The following PPP2R3A variants were observed in gnomAD, a reference collection of about 807,000 sequenced individuals.
PPP2R3A encodes the protein serine/threonine-protein phosphatase 2A regulatory subunit B'' subunit alpha.
PPP2R3A carries 80 observed loss-of-function variants against 106.9 expected under a neutral mutation model. The ratio of observed to expected loss-of-function variants is 0.75; its 90% CI spans 0.62 to 0.90. PPP2R3A has a LOEUF of 0.90. PPP2R3A is among the 40% of genes least tolerant of loss of function. The pLI, the probability that PPP2R3A is intolerant of heterozygous loss-of-function variation, is 0.00. For synonymous variants in PPP2R3A, 483 were observed against 468.3 expected, an observed-to-expected ratio of 1.03 and a Z score of -0.41; for missense variants, 1,386 against 1,350.4, an observed-to-expected ratio of 1.03 and a Z score of -0.41.
In PPP2R3A at chr3:136,058,458, G is replaced by A. The variant is rs369316269; in HGVS notation, c.2469+9097G>A. ...AAATATCTAGGAATAGCTAACTAGG[G>A]AGGTGAAAGATCTCTACAAGGAGAA... On this transcript the variant is annotated intron_variant, in intron 5 of 13. Coordinates refer to ENST00000264977, the MANE Select transcript of PPP2R3A (RefSeq NM_002718.5). Among the ~76,000 whole-genome samples the A allele has an allele frequency of 3.3e-5, 5 of 152,266 alleles. No individual in the cohort carries two copies. In the East Asian group the frequency reaches 9.6e-4, roughly 29 times the overall value.
chr3:136,085,768 G>A (rs535447260), intron 8 of PPP2R3A, among the ~76,000 whole-genome samples: 1 of 152,046 alleles, frequency 6.6e-6, no homozygotes, highest in South Asian at 2.1e-4. Context: ...TGGTATGGCT[G>A]TTACTAATGG....
chr3:136,132,207 A>G (rs1938455871), intron 13 of PPP2R3A, among the ~76,000 whole-genome samples: 1 of 152,182 alleles, frequency 6.6e-6, no homozygotes, highest in South Asian at 2.1e-4. Context: ...AGAACCAGGC[A>G]AGGATGTTTC....
intron 3 of PPP2R3A, among the ~76,000 whole-genome samples, chr3:136,035,724 G>A (rs1018679032): frequency 6.6e-6 from 1 of 152,148 alleles, no homozygotes; most frequent in Non-Finnish European, 1.5e-5. Context: ...TTTGTGTGAT[G>A]AATTTCCCAG....
rs145683188 is a variant in PPP2R3A, at chr3:136,028,013, A to G, written c.2262+915A>G. ...TAAACCTCAAACTTCTCTTCCTGGC[A>G]TTCCATGGCTTCCACAGCCTGGCCC... On this transcript the variant is annotated intron_variant, in intron 3 of 13. Transcript: ENST00000264977. Among the ~76,000 whole-genome samples, 974 of 152,346 alleles carry G rather than the reference A, an allele frequency of 6.4e-3. 9 individuals are homozygous for G. The highest frequency in any genetic ancestry group is 0.023 in the African/African-American group (940 of 41,594).
At chr3:136,087,126 T>C (rs1936958255) in intron 8 of PPP2R3A, among the ~76,000 whole-genome samples, 1 of 151,900 alleles carries the variant, frequency 6.6e-6, no homozygotes, top group African/African-American at 2.4e-5. Flanking sequence ...ATCACTTGAA[T>C]CCGGGAGGCG....
At chr3:136,142,621 T>G (rs1223032891) in intron 13 of PPP2R3A, among the ~76,000 whole-genome samples, 1 of 152,230 alleles carries the variant, frequency 6.6e-6, no homozygotes, top group Non-Finnish European at 1.5e-5. Flanking sequence ...GCCTGTGCTC[T>G]AAGCCTAAAT....
chr3:136,084,734 C>T (rs1055671742), intron 8 of PPP2R3A, among the ~76,000 whole-genome samples: 1 of 152,252 alleles, frequency 6.6e-6, no homozygotes, highest in African/African-American at 2.4e-5. Flanking sequence ...GAACCTGCCT[C>T]TTGCATCAGT....
At chr3:136,115,206 AAAG>A (rs903863720) in intron 13 of PPP2R3A, among the ~76,000 whole-genome samples, 1 of 152,206 alleles carries the variant, frequency 6.6e-6, no homozygotes, top group African/African-American at 2.4e-5. Context: ...AACAAACAGA[AAAG>A]AATAGCATGT....
intron 8 of PPP2R3A, among the ~76,000 whole-genome samples, chr3:136,084,201 G>GC (rs953125205): frequency 3.4e-4 from 52 of 152,238 alleles, no homozygotes; most frequent in African/African-American, 1.2e-3. Context: ...CAGGCCTGGG[G>GC]CCCCCCCTGC....
At chr3:135,977,392 TTGAG>T (rs1486121066) in intron 1 of PPP2R3A, among the ~76,000 whole-genome samples, 12 of 152,324 alleles carry the variant, frequency 7.9e-5, no homozygotes, top group South Asian at 6.2e-4. Context: ...AGATAACAGT[TTGAG>T]TGGTGTGATG....
intron 5 of PPP2R3A, among the ~76,000 whole-genome samples, chr3:136,060,924 T>C (rs1038707649): frequency 6.6e-6 from 1 of 152,222 alleles, no homozygotes; most frequent in African/African-American, 2.4e-5. Context: ...GTAATACATA[T>C]GTTAATAACT....
chr3:136,004,526 A>G (rs1933776575), intron 2 of PPP2R3A, among the ~76,000 whole-genome samples: 1 of 152,228 alleles, frequency 6.6e-6, no homozygotes. Context: ...TCTAAGAAAC[A>G]TAGAAAAGCA....
In PPP2R3A at chr3:136,113,750, G is replaced by A. The variant is rs192141754; in HGVS notation, c.3329+7428G>A. Among the ~76,000 whole-genome samples, 218 of 151,128 alleles carry A rather than the reference G, an allele frequency of 1.4e-3. 3 individuals carry two copies. Among genetic ancestry groups the A allele is most frequent in the African/African-American group, 4.7e-3 (193 of 41,176 alleles). On this transcript the variant is annotated intron_variant, in intron 13 of 13. Transcript: ENST00000264977. ...GTGAAGGTTGCAGTGAGTTGAGATC[G>A]CACCACTGCACTCCAGCCTGGGCAA...
intron 10 of PPP2R3A, among the ~76,000 whole-genome samples, chr3:136,091,495 T>C (rs1290583048): frequency 6.6e-6 from 1 of 152,164 alleles, no homozygotes; most frequent in South Asian, 2.1e-4. Context: ...TGCACACCTG[T>C]AGTCCTAGCT....
intron 13 of PPP2R3A, among the ~76,000 whole-genome samples, chr3:136,134,727 ATTAC>A (rs1369831370): frequency 6.6e-6 from 1 of 151,996 alleles, no homozygotes; most frequent in Non-Finnish European, 1.5e-5. Flanking sequence ...CGTGTACTGT[ATTAC>A]TTTAACAAAT....
chr3:136,001,225 A>G lies in PPP2R3A; in HGVS notation c.-274A>G. 4.4e-6 allele frequency: 2 copies of G among 451,346 alleles called. No individual in the cohort carries two copies. The highest frequency in any genetic ancestry group is 3.9e-6 in the Non-Finnish European group (1 of 258,516). 28.0% of individuals were successfully genotyped at this position (451,346 alleles called of 1,614,324 possible). Reference sequence around the variant, plus strand: ...TAAAAGAGGATATTCTTTCATCAAAATAATTCTGCAGTATCATAATATTAC... The same window carrying G: ...TAAAAGAGGATATTCTTTCATCAAAGTAATTCTGCAGTATCATAATATTAC... On this transcript the variant is annotated 5_prime_UTR_variant, in exon 2 of 14. Transcript: ENST00000264977.
intron 7 of PPP2R3A, among the ~76,000 whole-genome samples, chr3:136,078,738 C>T (rs761346338): frequency 5.9e-5 from 9 of 152,082 alleles, no homozygotes; most frequent in African/African-American, 1.2e-4. Flanking sequence ...ATGGATAAAA[C>T]GTACAGAGGC....
At chr3:136,111,613 T>G (rs565479264) in intron 13 of PPP2R3A, among the ~76,000 whole-genome samples, 1 of 151,518 alleles carries the variant, frequency 6.6e-6, no homozygotes, top group South Asian at 2.1e-4. Flanking sequence ...ACCGAAACAC[T>G]GAACAGACCA....
intron 10 of PPP2R3A, among the ~76,000 whole-genome samples, chr3:136,092,776 GA>G (rs902312578): frequency 4.0e-5 from 6 of 151,776 alleles, no homozygotes; most frequent in East Asian, 3.9e-4. Context: ...ATCCAATGGG[GA>G]AAAAAAACAG....
Sources: gnomAD v4.1 joint callset for allele counts (sites outside exome capture counted in the v4.1 genomes callset) on GRCh38, gnomAD v4.1.1 for gene constraint, MANE v1.5 for transcripts, NCBI Gene and HGNC (gene_info 2026-07-23, HGNC 2026-07-21) for gene names.